The following MAP2K5 variants were observed in gnomAD, a reference collection of about 807,000 sequenced individuals.
The protein encoded by MAP2K5 is mitogen-activated protein kinase kinase 5.
A neutral mutation model predicts 83.1 loss-of-function variants in MAP2K5; 49 were observed. The ratio of observed to expected loss-of-function variants is 0.59; its 90% CI spans 0.47 to 0.75. The LOEUF is 0.75. MAP2K5 is among the 30% of genes least tolerant of loss of function. The pLI is 0.00. For missense variants in MAP2K5, 457 were observed against 557.5 expected (o/e 0.82, Z 1.82); for synonymous variants, 202 against 191.8 (o/e 1.05, Z -0.44).
At chr15:67,776,374 G>C (rs1441365755) in intron 21 of MAP2K5, among the ~76,000 whole-genome samples, 1 of 152,152 alleles carries the variant, frequency 6.6e-6, no homozygotes, top group Non-Finnish European at 1.5e-5. Flanking sequence ...TTTTCAGACA[G>C]TAGAGACCCT....
chr15:67,544,680 G>A (rs1444656005), intron 1 of MAP2K5, among the ~76,000 whole-genome samples: 1 of 152,192 alleles, frequency 6.6e-6, no homozygotes, highest in Non-Finnish European at 1.5e-5. Context: ...CGGACATTCC[G>A]AAAAGCACAT....
chr15:67,734,089 A>C (rs1187785105), intron 17 of MAP2K5, among the ~76,000 whole-genome samples: 1 of 152,250 alleles, frequency 6.6e-6, no homozygotes, highest in Non-Finnish European at 1.5e-5. Context: ...GACTGCTGCT[A>C]GTGAGACTTA....
chr15:67,636,182 G>A lies in MAP2K5; in HGVS notation c.585+5255G>A, dbSNP rs1264336440. 6.6e-6 allele frequency among the ~76,000 whole-genome samples: 1 copy of A among 152,190 alleles called. No individual in the cohort carries two copies. The highest frequency in any genetic ancestry group is 1.5e-5 in the Non-Finnish European group (1 of 68,036). ...AATCCCAGCACTTTGAAAGGCTGAG[G>A]TGGGCGGATCATGAGGTCAGGAGAT... On this transcript the variant is annotated intron_variant, in intron 9 of 21. Transcript: ENST00000178640. The surrounding 1 kb of genome is among the most constrained non-coding windows in gnomAD (Gnocchi z 4.7).
intron 17 of MAP2K5, among the ~76,000 whole-genome samples, chr15:67,743,521 A>G (rs2141267778): frequency 6.6e-6 from 1 of 152,328 alleles, no homozygotes; most frequent in South Asian, 2.1e-4. Context: ...TCCCATTTGT[A>G]GTTAGCCAGA....
At chr15:67,609,697 A>T (rs142495458) in intron 8 of MAP2K5, among the ~76,000 whole-genome samples, 5 of 146,386 alleles carry the variant, frequency 3.4e-5, no homozygotes, top group South Asian at 2.2e-4. Flanking sequence ...GACCTATTCT[A>T]TAGGTCTATA....
At chr15:67,681,038 T>C (rs931431610) in intron 13 of MAP2K5, among the ~76,000 whole-genome samples, 8 of 152,252 alleles carry the variant, frequency 5.3e-5, no homozygotes, top group African/African-American at 1.4e-4. Flanking sequence ...CTTTATAGTA[T>C]ATTTGGTACA....
rs1310810954 is a variant in MAP2K5 at position 67,779,353 on chromosome 15, C to T, written c.1242+6601C>T. On this transcript the variant is annotated intron_variant, in intron 21 of 21. Transcript: ENST00000178640. The surrounding 1 kb of genome is among the most constrained non-coding windows in gnomAD (Gnocchi z 4.6). ...GAATCACTGTCTGGATACTTGAGAT[C>T]GCACTAAATCAGACAGCTTTAATTT... 6.6e-6 allele frequency among the ~76,000 whole-genome samples: 1 copy of T among 152,176 alleles called. No homozygotes were observed. Among genetic ancestry groups the T allele is most frequent in the South Asian group, 2.1e-4 (1 of 4,830 alleles).
At chr15:67,630,833 A>G (rs2086455512) in intron 8 of MAP2K5, 55 bp from the exon 9 acceptor site, 1 of 1,331,016 alleles carries the variant, frequency 7.5e-7, no homozygotes, top group Admixed American at 1.7e-5. Flanking sequence ...GTCCTTAACC[A>G]TTTTGTAGGT....
chr15:67,618,295 G>A (rs964647553), intron 8 of MAP2K5, among the ~76,000 whole-genome samples: 9 of 152,100 alleles, frequency 5.9e-5, no homozygotes, highest in African/African-American at 1.7e-4. Flanking sequence ...CCATTCTTTG[G>A]GGTCTGTTGT....
chr15:67,574,295 G>C (rs2085008654), intron 3 of MAP2K5, among the ~76,000 whole-genome samples: 1 of 152,184 alleles, frequency 6.6e-6, no homozygotes, highest in African/African-American at 2.4e-5. Context: ...TAGTAGGCTG[G>C]GCATAGTGGT....
intron 3 of MAP2K5, among the ~76,000 whole-genome samples, chr15:67,578,935 G>C (rs936318067): frequency 6.6e-6 from 1 of 152,192 alleles, no homozygotes; most frequent in Non-Finnish European, 1.5e-5. Context: ...TAACTTGTTA[G>C]ATAAAGCATA....
In MAP2K5 at chr15:67,728,264, A is replaced by G. The variant is rs181773668; in HGVS notation, c.1074+319A>G. Among the ~76,000 whole-genome samples, 179 of 152,252 alleles carry G rather than the reference A, an allele frequency of 1.2e-3. 1 individual carries two copies. The highest frequency in any genetic ancestry group is 4.0e-3 in the African/African-American group (167 of 41,546). On this transcript the variant is annotated intron_variant, in intron 17 of 21. Coordinates refer to ENST00000178640, the MANE Select transcript of MAP2K5 (RefSeq NM_145160.3). ...GAGAGAGCCAGCTTTTTCTTGATAC[A>G]CTTTTTAAGCTCTTAAATTCACTTA...
At chr15:67,733,112 A>G (rs1227419592) in intron 17 of MAP2K5, among the ~76,000 whole-genome samples, 1 of 152,018 alleles carries the variant, frequency 6.6e-6, no homozygotes, top group Non-Finnish European at 1.5e-5. Flanking sequence ...AGAGCCTTTA[A>G]TTTCATTTCA....
chr15:67,709,750 G>C (rs1367045897), intron 16 of MAP2K5, among the ~76,000 whole-genome samples: 1 of 152,190 alleles, frequency 6.6e-6, no homozygotes, highest in Admixed American at 6.5e-5. Flanking sequence ...GAAGTAAACA[G>C]TCATATCTGC....
chr15:67,625,593 T>C (rs2086299089), intron 8 of MAP2K5, among the ~76,000 whole-genome samples: 1 of 152,242 alleles, frequency 6.6e-6, no homozygotes, highest in Non-Finnish European at 1.5e-5. Context: ...AATTGAGATG[T>C]AGTATCTGTT....
At chr15:67,734,513 A>G (rs2089295461) in intron 17 of MAP2K5, among the ~76,000 whole-genome samples, 1 of 151,934 alleles carries the variant, frequency 6.6e-6, no homozygotes. Context: ...GCACTTTTCA[A>G]ATGCTAATGT....
chr15:67,771,375 A>G (rs2090139027), intron 20 of MAP2K5, among the ~76,000 whole-genome samples: 1 of 152,182 alleles, frequency 6.6e-6, no homozygotes, highest in Non-Finnish European at 1.5e-5. Flanking sequence ...TCTGAGACCA[A>G]CCTGGGGGTG....
intron 8 of MAP2K5, chr15:67,628,296 A>G (rs2086374197): frequency 1.9e-6 from 1 of 518,230 alleles, no homozygotes; most frequent in African/African-American, 1.9e-5. Context: ...CCTGGCCAAC[A>G]TGGTGAAACC....
intron 9 of MAP2K5, among the ~76,000 whole-genome samples, chr15:67,633,109 G>A (rs1302974617): frequency 1.3e-5 from 2 of 152,174 alleles, no homozygotes; most frequent in East Asian, 1.9e-4. Context: ...GGTGCTCACC[G>A]AGCGCGGCCC....
Sources: gnomAD v4.1 joint callset for allele counts (sites outside exome capture counted in the v4.1 genomes callset) on GRCh38, gnomAD v4.1.1 for gene constraint, Gnocchi (gnomAD v3.1) non-coding constraint, MANE v1.5 for transcripts, NCBI Gene and HGNC (gene_info 2026-07-23, HGNC 2026-07-21) for gene names.